ZZEF1: variants seen among roughly 807,000 people sequenced by gnomAD.
ZZEF1 encodes zinc finger ZZ-type and EF-hand domain-containing protein 1.
In ZZEF1, 157 loss-of-function variants were observed where a neutral mutation model predicts 342.8. The ratio of observed to expected loss-of-function variants is 0.46; its 90% CI spans 0.40 to 0.52. The LOEUF (loss-of-function observed/expected upper bound fraction) is 0.52, where lower values mean the gene tolerates loss of function less well. Among genes scored for constraint, ZZEF1 ranks in the 20% least tolerant of loss-of-function variants. ZZEF1 has a pLI of 0.00. For synonymous variants in ZZEF1, 1,505 were observed against 1,429.1 expected (o/e 1.05, Z -1.20); for missense variants, 3,480 against 3,725.6 (o/e 0.93, Z 1.72).
intron 28 of ZZEF1, among the ~76,000 whole-genome samples, chr17:4,065,887 T>C (rs966814624): frequency 1.8e-4 from 27 of 152,188 alleles, no homozygotes; most frequent in East Asian, 1.9e-4. Context: ...TCCCAGCACT[T>C]TGGGAGGCTG....
intron 16 of ZZEF1, among the ~76,000 whole-genome samples, chr17:4,083,557 T>G (rs537460775): frequency 2.7e-4 from 41 of 152,278 alleles, no homozygotes; most frequent in African/African-American, 9.6e-4. Flanking sequence ...TGGAATAAGT[T>G]TTTCCTTGCG....
intron 9 of ZZEF1, among the ~76,000 whole-genome samples, chr17:4,099,936 C>T (rs1267299070): frequency 6.6e-6 from 1 of 152,088 alleles, no homozygotes; most frequent in African/African-American, 2.4e-5. Context: ...AAAAAAATAA[C>T]CAATCAGATT....
chr17:4,049,331 G>A (rs1264196408), intron 37 of ZZEF1, among the ~76,000 whole-genome samples: 1 of 152,040 alleles, frequency 6.6e-6, no homozygotes, highest in Non-Finnish European at 1.5e-5. Flanking sequence ...GGGCAACATG[G>A]CGAAACCCTG....
chr17:4,074,215 T>C lies in ZZEF1; in HGVS notation c.3620A>G (p.Gln1207Arg), dbSNP rs780751656. Residue 1207 changes from glutamine (Q) to arginine (R), a missense_variant, in exon 24 of 55, where the codon CAG becomes CGG. Transcript: ENST00000381638. ...DVAVSWGLDL[Q>R]LLVSRLMGRL... is the part of the protein sequence containing the mutation. ...TCCCATCAGCCGGGAGACGAGGAGC[T>C]GTAAATCCAGCCCCCAAGACACGGC... is the stretch of plus-strand genomic sequence containing the variant. 1.2e-5 allele frequency: 20 copies of C among 1,613,918 alleles called. No individual in the cohort carries two copies. The African/African-American group carries it at 1.5e-4, about 12-fold the overall frequency.
intron 14 of ZZEF1, 64 bp downstream of exon 14, chr17:4,087,370 A>G: frequency 1.5e-6 from 2 of 1,360,496 alleles, no homozygotes; most frequent in East Asian, 2.3e-5. Context: ...AAATCCACTT[A>G]GAATAGTAAA....
At chr17:4,117,262 G>A in intron 2 of ZZEF1, 96 bp from the exon 3 acceptor site, 1 of 914,100 alleles carries the variant, frequency 1.1e-6, no homozygotes, top group Non-Finnish European at 1.7e-6. Context: ...TAAATTAAAA[G>A]CAGTCATTAA....
At chr17:4,115,916 C>T (rs1379800283) in intron 3 of ZZEF1, among the ~76,000 whole-genome samples, 3 of 152,174 alleles carry the variant, frequency 2.0e-5, no homozygotes, top group Non-Finnish European at 4.4e-5. Context: ...CTTAGAAAGG[C>T]TGTTCCGTAT....
chr17:4,036,805 ACACACACACACACTCTCT>A (rs1440968879), intron 39 of ZZEF1, among the ~76,000 whole-genome samples: 26 of 93,502 alleles, frequency 2.8e-4, no homozygotes, highest in African/African-American at 6.7e-4. Flanking sequence ...ACACACACAC[ACACACACACACACTCTCT>A]CTCTCTCTCT....
chr17:4,024,721 A>C (rs2056363903), intron 43 of ZZEF1, among the ~76,000 whole-genome samples, 198 bp downstream of exon 43: 1 of 152,220 alleles, frequency 6.6e-6, no homozygotes, highest in African/African-American at 2.4e-5. Context: ...GAAACAATGG[A>C]AAGACAGAGA....
chr17:4,114,238 G>C (rs2058358470), intron 4 of ZZEF1, 61 bp downstream of exon 4: 3 of 1,298,824 alleles, frequency 2.3e-6, no homozygotes, highest in South Asian at 2.1e-5. Flanking sequence ...CAAAGAGTAG[G>C]CAGTTAAGAA....
At chr17:4,039,118 A>G (rs2056741379) in intron 39 of ZZEF1, among the ~76,000 whole-genome samples, 1 of 152,218 alleles carries the variant, frequency 6.6e-6, no homozygotes, top group South Asian at 2.1e-4. Context: ...TCTCAGAACA[A>G]GAGATAAACA....
At chr17:4,107,812 AG>A (rs1289677845) in intron 6 of ZZEF1, among the ~76,000 whole-genome samples, 5 of 152,234 alleles carry the variant, frequency 3.3e-5, no homozygotes, top group African/African-American at 1.2e-4. Flanking sequence ...TGGGAGACCG[AG>A]GTGGGTGGAT....
intron 33 of ZZEF1, among the ~76,000 whole-genome samples, chr17:4,055,350 G>A (rs1023989377): frequency 3.3e-5 from 5 of 152,216 alleles, no homozygotes; most frequent in African/African-American, 4.8e-5. Flanking sequence ...TTGGCACATA[G>A]TAGGCACTCG....
At chr17:4,042,589 T>C (rs1203079252) in intron 38 of ZZEF1, 21 bp from the exon 39 acceptor site, 18 of 1,608,750 alleles carry the variant, frequency 1.1e-5, no homozygotes, top group Non-Finnish European at 1.5e-5. Context: ...AAACAAACTT[T>C]CAGAATTTGC....
At chr17:4,028,136 AC>A (rs2056458226) in intron 42 of ZZEF1, among the ~76,000 whole-genome samples, 1 of 152,188 alleles carries the variant, frequency 6.6e-6, no homozygotes, top group South Asian at 2.1e-4. Flanking sequence ...ATAATAGTAT[AC>A]CATTTCACAT....
At chr17:4,122,461 C>T (rs571698955) in intron 2 of ZZEF1, among the ~76,000 whole-genome samples, 1 of 152,018 alleles carries the variant, frequency 6.6e-6, no homozygotes, top group Non-Finnish European at 1.5e-5. Context: ...TCACTGCAAC[C>T]ACCACCTCCC....
chr17:4,031,317 AAAATAAATAAAT>A (rs372245182), intron 42 of ZZEF1, among the ~76,000 whole-genome samples: 7 of 143,404 alleles, frequency 4.9e-5, no homozygotes, highest in Non-Finnish European at 9.0e-5. Context: ...CTTGGTCTCA[AAAATAAATAAAT>A]AAATAAATAA....
At chr17:4,079,193 C>T (rs972046539) in intron 18 of ZZEF1, among the ~76,000 whole-genome samples, 5 of 152,212 alleles carry the variant, frequency 3.3e-5, no homozygotes, top group East Asian at 1.9e-4. Flanking sequence ...CAAACAGCCC[C>T]GGTTTCAGTC....
Position 4,085,686 on chromosome 17 carries a change from T to C in ZZEF1, c.2630A>G (p.His877Arg), listed in dbSNP as rs373920513. Residue 877 changes from histidine (H) to arginine (R), a missense_variant, in exon 16 of 55, where the codon CAT becomes CGT. His to Arg is a conservative substitution (Grantham distance 29). Transcript: ENST00000381638. ...AATAATTACCATCATGGTGAAGAGA[T>C]GGTTCCGTCGGGTCTGTCGATTAGG... ...FFPNRQTRRN[H>R]LFTMMNVTEQ... The C allele has an allele frequency of 3.9e-5, 63 of 1,614,044 alleles. No homozygotes were observed. The highest frequency in any genetic ancestry group is 5.2e-5 in the Non-Finnish European group (61 of 1,180,020).
Sources: allele counts gnomAD v4.1 joint callset (sites outside exome capture counted in the v4.1 genomes callset), GRCh38; gene constraint gnomAD v4.1.1; transcripts MANE v1.5; gene names NCBI Gene and HGNC (gene_info 2026-07-23, HGNC 2026-07-21).